Variants in NME2 observed in about 807,000 individuals in gnomAD.
NME2 encodes the protein NME/NM23 nucleoside diphosphate kinase 2, also known as nucleoside diphosphate kinase B.
In NME2, 18 loss-of-function variants were observed where a neutral mutation model predicts 17.8. The observed-to-expected ratio is 1.01, with a 90% CI of 0.70 to 1.50. The LOEUF (loss-of-function observed/expected upper bound fraction) is 1.50. NME2 is among the 40% of genes most tolerant of loss of function. NME2 has a pLI of 0.00. For synonymous variants in NME2, 74 were observed against 71.4 expected, an observed-to-expected ratio of 1.04 and a Z score of -0.19; for missense variants, 161 against 195.6, an observed-to-expected ratio of 0.82 and a Z score of 1.05.
At chr17:51,168,126 C>A in intron 2 of NME2, 116 bp from the exon 3 acceptor site, 1 of 799,848 alleles carries the variant, frequency 1.3e-6, no homozygotes, top group Non-Finnish European at 2.0e-6. Flanking sequence ...TATTTCCACA[C>A]ACCACTTAGG....
At position 51,171,472 on chromosome 17, in the gene NME2, T is replaced by G; in HGVS notation, c.342-15T>G. ...ACTTTAAAACATGGCAACTTGTAAT[T>G]GTTTTCTTTCTTAGGAACATCATTC... On this transcript the variant is annotated splice_polypyrimidine_tract_variant and intron_variant, in intron 4 of 4. Transcript: ENST00000512737. The G allele has an allele frequency of 6.2e-7, 1 of 1,610,718 alleles. No individual in the cohort carries two copies. The highest frequency in any genetic ancestry group is 8.5e-7 in the Non-Finnish European group (1 of 1,177,380).
chr17:51,170,393 G>GC (rs1157351710), intron 4 of NME2, among the ~76,000 whole-genome samples: 1 of 151,792 alleles, frequency 6.6e-6, no homozygotes, highest in East Asian at 2.0e-4. Flanking sequence ...GCCTGCCTCG[G>GC]CCCCCCAAGG....
rs772761569 is a variant in NME2 at position 51,166,817 on chromosome 17, C to T, written c.-4-10C>T. ...GCGCCCGGGCCCTGACCGCACCTCT[C>T]GCCCCGCAGGACCATGGCCAACCTG... is the stretch of plus-strand genomic sequence containing the variant. On this transcript the variant is annotated splice_polypyrimidine_tract_variant and intron_variant, in intron 1 of 4. Coordinates refer to ENST00000512737, the MANE Select transcript of NME2 (RefSeq NM_002512.4). 1.8e-4 allele frequency: 283 copies of T among 1,607,054 alleles called. No individual in the cohort carries two copies. Among genetic ancestry groups the T allele is most frequent in the Non-Finnish European group, 2.3e-4 (274 of 1,177,178 alleles).
chr17:51,170,128 G>C, intron 4 of NME2, 79 bp downstream of exon 4: 5 of 929,480 alleles, frequency 5.4e-6, no homozygotes, highest in Non-Finnish European at 7.7e-6. Context: ...CCTACTTTCA[G>C]AAGAATCTGT....
intron 4 of NME2, 112 bp from the exon 5 acceptor site, chr17:51,171,375 G>A (rs956783912): frequency 2.5e-6 from 2 of 805,710 alleles, no homozygotes; most frequent in Admixed American, 2.3e-5. Flanking sequence ...TTGGTCTGTT[G>A]CTTCAAGTGG....
rs750393758 is a variant in NME2 at position 51,171,618 on chromosome 17, C to T, written c.*14C>T. On this transcript the variant is annotated 3_prime_UTR_variant, in exon 5 of 5. Transcript: ENST00000512737. ...GTCTATGAATAAGAGGTGGACACAA[C>T]AGCAGTCTCCTTCAGCACGGCGTGG... 16 of 1,593,684 alleles carry T rather than the reference C, an allele frequency of 1.0e-5. No homozygotes were observed. The highest frequency in any genetic ancestry group is 2.2e-5 in the South Asian group (2 of 90,476).
At chr17:51,166,265 C>G (rs1234440953), upstream of NME2, 1 of 152,324 alleles carries the variant, frequency 6.6e-6, no homozygotes, top group Non-Finnish European at 1.5e-5. Context: ...GGATCCGTCT[C>G]GATCTCTGCC....
At position 51,166,819 on chromosome 17, in the gene NME2, C is replaced by T. The variant is rs1598247321; in HGVS notation, c.-4-8C>T. On this transcript the variant is annotated splice_polypyrimidine_tract_variant and splice_region_variant and intron_variant, in intron 1 of 4. Transcript: ENST00000512737. Reference sequence around the variant, plus strand: ...GCCCGGGCCCTGACCGCACCTCTCGCCCCGCAGGACCATGGCCAACCTGGA... The same window carrying T: ...GCCCGGGCCCTGACCGCACCTCTCGTCCCGCAGGACCATGGCCAACCTGGA... 6.2e-7 allele frequency: 1 copy of T among 1,607,304 alleles called. No individual in the cohort carries two copies. The highest frequency in any genetic ancestry group is 1.7e-5 in the Admixed American group (1 of 59,318).
intron 3 of NME2, 78 bp downstream of exon 3, chr17:51,168,421 C>T (rs2049993308): frequency 3.1e-5 from 45 of 1,472,376 alleles, no homozygotes; most frequent in Non-Finnish European, 4.1e-5. Context: ...CTCAGCTAAT[C>T]TAAATTTTAT....
Position 51,166,498 on chromosome 17 carries a change from G to A in NME2, c.-5+1G>A, listed in dbSNP as rs115848216. 6,249 of 171,880 alleles carry A rather than the reference G, an allele frequency of 0.036. 127 individuals are homozygous for A. The highest frequency in any genetic ancestry group is 0.052 in the Middle Eastern group (20 of 384). The allele number at this position is 171,880 out of a possible 1,614,324, so 10.6% of individuals were successfully genotyped here. On this transcript the variant is annotated splice_donor_variant, in intron 1 of 4. Transcript: ENST00000512737. LOFTEE classifies it low-confidence loss of function (5UTR_SPLICE). ...GCCGCCCGGCCCCTCCAGCTTCCCG[G>A]TAAGGCGGTGGGGGCGCATCCCCTG... is the stretch of plus-strand genomic sequence containing the variant.
chr17:51,167,132 G>T, intron 2 of NME2, 176 bp downstream of exon 2: 1 of 1,373,308 alleles, frequency 7.3e-7, no homozygotes, highest in Non-Finnish European at 9.7e-7. Flanking sequence ...GGGGTGGTGG[G>T]GACAGACGCC....
intron 3 of NME2, chr17:51,169,439 C>CAA (rs35598805): frequency 4.7e-4 from 47 of 99,126 alleles, no homozygotes; most frequent in African/African-American, 6.9e-4. Context: ...GACTCTGTCT[C>CAA]AAAAAAAAAA....
chr17:51,170,722 G>A (rs2050053198), intron 4 of NME2, among the ~76,000 whole-genome samples: 2 of 150,570 alleles, frequency 1.3e-5, no homozygotes, highest in African/African-American at 4.9e-5. Flanking sequence ...GGGAGGTGGA[G>A]GCTGCATTGA....
chr17:51,169,191 C>T (rs111299407), intron 3 of NME2, among the ~76,000 whole-genome samples: 2 of 151,836 alleles, frequency 1.3e-5, no homozygotes, highest in African/African-American at 2.4e-5. Flanking sequence ...ACCTGTAATC[C>T]CAGCACTTTG....
At chr17:51,168,386 T>C in intron 3 of NME2, 43 bp downstream of exon 3, 1 of 1,597,426 alleles carries the variant, frequency 6.3e-7, no homozygotes, top group Non-Finnish European at 8.6e-7. Flanking sequence ...GAAAAAGTGC[T>C]CAGTGTTCTT....
intron 4 of NME2, 148 bp from the exon 5 acceptor site, chr17:51,171,339 A>G (rs2050064710): frequency 3.3e-6 from 2 of 598,980 alleles, no homozygotes; most frequent in Non-Finnish European, 3.0e-6. Context: ...AGCTGCTTTT[A>G]AAAGGAAATG....
At chr17:51,168,978 A>T (rs2050009671) in intron 3 of NME2, among the ~76,000 whole-genome samples, 2 of 150,972 alleles carry the variant, frequency 1.3e-5, no homozygotes, top group South Asian at 4.2e-4. Flanking sequence ...AATAATACTC[A>T]ATTTCTTCTG....
In NME2 at chr17:51,168,290, C is replaced by T. The variant is rs371671836; in HGVS notation, c.175C>T (p.Pro59Ser). 12 of 1,614,010 alleles carry T rather than the reference C, an allele frequency of 7.4e-6. No homozygotes were observed. In the African/African-American group the frequency reaches 1.5e-4, roughly 20 times the overall value. ...GCACTACATTGACCTGAAAGACCGACCATTCTTCCCTGGGCTGGTGAAGTA... is the reference window on the plus strand; with the variant it reads ...GCACTACATTGACCTGAAAGACCGATCATTCTTCCCTGGGCTGGTGAAGTA... ...KQHYIDLKDRPFFPGLVKYMN... is the reference protein window; with the variant it reads ...KQHYIDLKDRSFFPGLVKYMN... The change falls in exon 3 of 5, where the codon CCA becomes TCA. Residue 59 changes from proline to serine, a missense_variant. Coordinates refer to ENST00000512737, the MANE Select transcript of NME2 (RefSeq NM_002512.4).
Position 51,167,139 on chromosome 17 carries a change from C to T in NME2, c.126+183C>T, listed in dbSNP as rs1044857459. 23 of 1,340,682 alleles carry T rather than the reference C, an allele frequency of 1.7e-5. No individual in the cohort carries two copies. In the African/African-American group the frequency reaches 3.5e-4, roughly 20 times the overall value. 83.0% of individuals were successfully genotyped at this position (1,340,682 alleles called of 1,614,324 possible). ...CCTTTCCCGGGGTGGTGGGGACAGA[C>T]GCCCTTGGGAAGGTGAAGCGCTGGT... On this transcript the variant is annotated intron_variant, in intron 2 of 4. Transcript: ENST00000512737.
Sources: allele counts gnomAD v4.1 joint callset (sites outside exome capture counted in the v4.1 genomes callset), GRCh38; gene constraint gnomAD v4.1.1; transcripts MANE v1.5; gene names NCBI Gene and HGNC (gene_info 2026-07-23, HGNC 2026-07-21).